KPNB1: variants seen among roughly 807,000 people sequenced by gnomAD.
KPNB1 encodes the protein importin subunit beta-1.
A neutral mutation model predicts 113.0 loss-of-function variants in KPNB1; 7 were observed. The ratio of observed to expected loss-of-function variants is 0.06; its 90% CI spans 0.04 to 0.12. The LOEUF (loss-of-function observed/expected upper bound fraction) is 0.12. Among genes scored for constraint, KPNB1 ranks in the 10% least tolerant of loss-of-function variants. The pLI, the probability that KPNB1 is intolerant of heterozygous loss-of-function variation, is 1.00. For synonymous variants in KPNB1, 363 were observed against 378.6 expected, an observed-to-expected ratio of 0.96 and a Z score of 0.48; for missense variants, 400 against 1,054.8, an observed-to-expected ratio of 0.38 and a Z score of 8.60.
Position 47,650,143 on chromosome 17 carries a change from T to A in KPNB1, c.-102T>A. ...GTGACCCCCGCCCCCCACCCCACCC[T>A]CCCTTCCCACCCGACCCCCAACCCC... On this transcript the variant is annotated 5_prime_UTR_variant, in exon 1 of 22. Transcript: ENST00000290158. The A allele has an allele frequency of 1.1e-5, 2 of 187,592 alleles. No individual in the cohort carries two copies. The highest frequency in any genetic ancestry group is 1.4e-5 in the Non-Finnish European group (2 of 147,994). 11.6% of individuals were successfully genotyped at this position (187,592 alleles called of 1,614,324 possible).
chr17:47,653,678 T>C (rs1009840681), intron 3 of KPNB1, among the ~76,000 whole-genome samples: 1 of 152,248 alleles, frequency 6.6e-6, no homozygotes, highest in Admixed American at 6.5e-5. Context: ...TTCCTACATA[T>C]GTACTTGTGC....
In KPNB1 at chr17:47,678,213, G is replaced by A. The variant is rs200651536; in HGVS notation, c.2247+24G>A. On this transcript the variant is annotated intron_variant, in intron 18 of 21. Transcript: ENST00000290158. ...AGGTAAGCTTAAAGCTATCTTGGCTGTTCTTTAAGTCTAGCTCTAATTGGA... is the reference window on the plus strand; with the variant it reads ...AGGTAAGCTTAAAGCTATCTTGGCTATTCTTTAAGTCTAGCTCTAATTGGA... 7.3e-4 allele frequency: 1,180 copies of A among 1,613,770 alleles called. 1 individual carries two copies. The highest frequency in any genetic ancestry group is 7.5e-4 in the Non-Finnish European group (887 of 1,179,704).
In KPNB1 at chr17:47,669,095, T is replaced by TG. The variant is rs1019503346; in HGVS notation, c.1225-583_1225-582insG. Among the ~76,000 whole-genome samples the TG allele has an allele frequency of 7.9e-5, 12 of 151,978 alleles. No individual in the cohort carries two copies. In the East Asian group the frequency reaches 1.9e-3, roughly 24 times the overall value. On this transcript the variant is annotated intron_variant, in intron 10 of 21. Coordinates refer to ENST00000290158, the MANE Select transcript of KPNB1 (RefSeq NM_002265.6). ...ATTCTGAGTATCTGAGTAATTCTTT[T>TG]TTTTTTTGAGGTAGGGAGGCGGGGG...
chr17:47,675,385 G>GTTTTTTTT (rs1462077639), intron 15 of KPNB1, among the ~76,000 whole-genome samples: 2 of 82,110 alleles, frequency 2.4e-5, no homozygotes, highest in East Asian at 4.1e-4. Flanking sequence ...TTTTTTTTTT[G>GTTTTTTTT]TTTGTTTTTT....
chr17:47,675,917 A>G (rs2030602947), intron 15 of KPNB1, among the ~76,000 whole-genome samples: 1 of 152,210 alleles, frequency 6.6e-6, no homozygotes, highest in Non-Finnish European at 1.5e-5. Flanking sequence ...GAAAGGGCAA[A>G]GAAGTTAATT....
intron 2 of KPNB1, chr17:47,651,318 C>T: frequency 1.0e-6 from 1 of 985,324 alleles, no homozygotes; most frequent in African/African-American, 1.7e-5. Context: ...GTGTCCATCT[C>T]CTGTTGGGGG....
chr17:47,664,392 T>A, intron 8 of KPNB1, 123 bp downstream of exon 8: 1 of 659,184 alleles, frequency 1.5e-6, no homozygotes, highest in Non-Finnish European at 2.6e-6. Flanking sequence ...TTGGCAGAGA[T>A]TTTGATTTTT....
At chr17:47,652,927 C>A in intron 3 of KPNB1, 51 bp downstream of exon 3, 1 of 1,397,616 alleles carries the variant, frequency 7.2e-7, no homozygotes, top group East Asian at 2.4e-5. Flanking sequence ...CAAGAAATCG[C>A]TTTCTCAGAT....
chr17:47,661,071 G>A lies in KPNB1; in HGVS notation c.637-48G>A, dbSNP rs755852952. ...AGAGGGAGTCTGGAAATCTTCCTAC[G>A]TACAGGTTATGCTCTCCTAATTCTC... On this transcript the variant is annotated intron_variant, in intron 5 of 21. Coordinates refer to ENST00000290158, the MANE Select transcript of KPNB1 (RefSeq NM_002265.6). The A allele has an allele frequency of 1.1e-5, 16 of 1,458,132 alleles. No individual in the cohort carries two copies. In the South Asian group the frequency reaches 1.3e-4, roughly 11 times the overall value. 90.3% of individuals were successfully genotyped at this position (1,458,132 alleles called of 1,614,324 possible).
rs531422251 is a variant in KPNB1 at position 47,675,655 on chromosome 17, G to A, written c.1913-754G>A. Among the ~76,000 whole-genome samples the A allele has an allele frequency of 3.9e-5, 6 of 152,172 alleles. No homozygotes were observed. The South Asian group carries it at 6.2e-4, about 16-fold the overall frequency. On this transcript the variant is annotated intron_variant, in intron 15 of 21. Transcript: ENST00000290158. The stretch of plus-strand genomic sequence containing the variant: ...TATGGGATGAAATGAAACATTGAGC[G>A]AGTTCTAGGAATTGATTTTCTGATT...
chr17:47,659,932 G>A (rs2030041089), intron 5 of KPNB1, among the ~76,000 whole-genome samples: 1 of 151,752 alleles, frequency 6.6e-6, no homozygotes, highest in African/African-American at 2.4e-5. Flanking sequence ...GTATATGTAT[G>A]TGTATGTATA....
intron 9 of KPNB1, among the ~76,000 whole-genome samples, chr17:47,665,774 T>TGA (rs1261045302): frequency 6.6e-6 from 1 of 152,246 alleles, no homozygotes; most frequent in Admixed American, 6.5e-5. Context: ...TTTGTTCTCC[T>TGA]GACTTGATGC....
At chr17:47,665,709 G>A (rs747380205) in intron 9 of KPNB1, among the ~76,000 whole-genome samples, 2 of 152,160 alleles carry the variant, frequency 1.3e-5, no homozygotes, top group Non-Finnish European at 2.9e-5. Flanking sequence ...CATAAAGATT[G>A]GGGTCTAATG....
At chr17:47,665,550 T>C (rs1419666851) in intron 9 of KPNB1, among the ~76,000 whole-genome samples, 2 of 152,232 alleles carry the variant, frequency 1.3e-5, no homozygotes, top group African/African-American at 4.8e-5. Context: ...TCACAGGGTG[T>C]ATGTTTTTAA....
rs2029926960 is a variant in KPNB1 at position 47,656,889 on chromosome 17, C to T, written c.312C>T (p.Tyr104=). 1.2e-6 allele frequency: 2 copies of T among 1,614,138 alleles called. No homozygotes were observed. The highest frequency in any genetic ancestry group is 1.7e-6 in the Non-Finnish European group (2 of 1,180,014). The change falls in exon 4 of 22, where the codon TAC becomes TAT. Residue 104 remains tyrosine, a synonymous_variant. Transcript: ENST00000290158. ...TGCAGACATTGGGTACAGAAACTTA[C>T]CGGCCTAGTTCTGCCTCACAGTGTG... ...YVLQTLGTET[Y]RPSSASQCVA...
intron 10 of KPNB1, among the ~76,000 whole-genome samples, chr17:47,668,888 T>C (rs1187780352): frequency 6.6e-6 from 1 of 151,740 alleles, no homozygotes; most frequent in Admixed American, 6.6e-5. Flanking sequence ...AATGTTCTTA[T>C]GGAAATGTTG....
intron 9 of KPNB1, among the ~76,000 whole-genome samples, chr17:47,665,485 G>T (rs1194566955): frequency 1.3e-5 from 2 of 152,180 alleles, no homozygotes; most frequent in East Asian, 3.8e-4. Context: ...GCAAAGATGT[G>T]CTGGTTTTAG....
chr17:47,673,911 A>C, intron 14 of KPNB1: 1 of 204,428 alleles, frequency 4.9e-6, no homozygotes, highest in Non-Finnish European at 1.0e-5. Context: ...AAACTACTTA[A>C]TGTGTGATGG....
chr17:47,658,721 A>C, intron 5 of KPNB1, 61 bp downstream of exon 5: 1 of 1,460,316 alleles, frequency 6.8e-7, no homozygotes, highest in South Asian at 1.2e-5. Context: ...GTTGAATGAA[A>C]GTTTTTTGTT....
Sources: gnomAD v4.1 joint callset for allele counts (sites outside exome capture counted in the v4.1 genomes callset) on GRCh38, gnomAD v4.1.1 for gene constraint, MANE v1.5 for transcripts, NCBI Gene and HGNC (gene_info 2026-07-23, HGNC 2026-07-21) for gene names.